SERPINI1: variants seen among roughly 807,000 people sequenced by gnomAD.
SERPINI1 encodes serpin family I member 1.
SERPINI1 carries 19 observed loss-of-function variants against 41.1 expected under a neutral mutation model. That is an observed-to-expected ratio of 0.46 (90% confidence interval 0.32 to 0.68). SERPINI1 has a LOEUF of 0.68. Among genes scored for constraint, SERPINI1 ranks in the 30% least tolerant of loss-of-function variants. SERPINI1 has a pLI of 0.03. For missense variants in SERPINI1, 460 were observed against 479.2 expected (o/e 0.96, Z 0.37); for synonymous variants, 138 against 156.6 (o/e 0.88, Z 0.89).
At chr3:167,815,910 C>T (rs1247755201) in intron 6 of SERPINI1, among the ~76,000 whole-genome samples, 2 of 152,102 alleles carry the variant, frequency 1.3e-5, no homozygotes, top group Admixed American at 1.3e-4. Context: ...TACTCTTTTA[C>T]TCAATCAGAT....
intron 1 of SERPINI1, among the ~76,000 whole-genome samples, chr3:167,741,921 T>TA (rs11363496): frequency 6.6e-6 from 1 of 152,048 alleles, no homozygotes; most frequent in Non-Finnish European, 1.5e-5. Flanking sequence ...ACGAAACTTT[T>TA]AAAAAAATTA....
At chr3:167,794,486 G>T (rs1210884355) in intron 4 of SERPINI1, 134 bp from the exon 5 acceptor site, 8 of 621,910 alleles carry the variant, frequency 1.3e-5, no homozygotes, top group Non-Finnish European at 2.2e-5. Context: ...CTTCTTTAGT[G>T]GTGATTTGTG....
chr3:167,758,991 T>TA (rs1439080643), intron 1 of SERPINI1, among the ~76,000 whole-genome samples: 1 of 152,162 alleles, frequency 6.6e-6, no homozygotes, highest in Non-Finnish European at 1.5e-5. Flanking sequence ...GCTTAAGAGA[T>TA]ACAGATGTTT....
chr3:167,798,156 A>G (rs1727775261), intron 5 of SERPINI1, among the ~76,000 whole-genome samples: 1 of 152,174 alleles, frequency 6.6e-6, no homozygotes, highest in South Asian at 2.1e-4. Context: ...TGTGGCCTCT[A>G]GGTCCTGTCC....
chr3:167,802,916 GCA>G (rs1468688260), intron 5 of SERPINI1, among the ~76,000 whole-genome samples: 9 of 150,078 alleles, frequency 6.0e-5, no homozygotes, highest in Non-Finnish European at 1.0e-4. Flanking sequence ...CGAAAATGTG[GCA>G]CATATACACC....
chr3:167,736,792 T>G (rs1321330038), intron 1 of SERPINI1, among the ~76,000 whole-genome samples: 2 of 152,234 alleles, frequency 1.3e-5, no homozygotes, highest in Non-Finnish European at 2.9e-5. Context: ...TGGGTAAAGA[T>G]GAAAGTCTCA....
intron 5 of SERPINI1, among the ~76,000 whole-genome samples, chr3:167,804,938 C>A (rs1326223755): frequency 1.3e-5 from 2 of 152,042 alleles, no homozygotes; most frequent in Non-Finnish European, 2.9e-5. Context: ...GGGGAAGAGT[C>A]CATATTAAGA....
intron 1 of SERPINI1, among the ~76,000 whole-genome samples, chr3:167,770,314 T>C (rs1726707309): frequency 6.6e-6 from 1 of 152,034 alleles, no homozygotes. Flanking sequence ...AAGTACAAAG[T>C]AATCTTCTTT....
intron 6 of SERPINI1, among the ~76,000 whole-genome samples, chr3:167,809,277 A>T (rs1003493756): frequency 1.3e-5 from 2 of 152,200 alleles, no homozygotes; most frequent in African/African-American, 2.4e-5. Context: ...AATTGAGAGA[A>T]ATCTGTCTTA....
intron 1 of SERPINI1, among the ~76,000 whole-genome samples, chr3:167,740,418 G>C (rs986081463): frequency 6.6e-5 from 10 of 152,144 alleles, no homozygotes; most frequent in African/African-American, 2.4e-4. Flanking sequence ...AGTATCTTTA[G>C]AGCTAACTCT....
chr3:167,788,999 T>C, intron 1 of SERPINI1, 112 bp from the exon 2 acceptor site: 2 of 993,334 alleles, frequency 2.0e-6, no homozygotes, highest in Non-Finnish European at 3.0e-6. Context: ...GTGTTATTTG[T>C]TCATTTAACT....
chr3:167,791,131 G>A (rs943647327), intron 3 of SERPINI1, among the ~76,000 whole-genome samples: 4 of 152,022 alleles, frequency 2.6e-5, no homozygotes, highest in East Asian at 1.9e-4. Context: ...GCATTCATTC[G>A]AAATTTTATT....
At chr3:167,768,962 CT>C (rs1726652811) in intron 1 of SERPINI1, among the ~76,000 whole-genome samples, 1 of 151,192 alleles carries the variant, frequency 6.6e-6, no homozygotes, top group African/African-American at 2.4e-5. Context: ...CCAGGAGCCC[CT>C]CCCTCTAATT....
At chr3:167,797,737 A>G (rs1053951562) in intron 5 of SERPINI1, among the ~76,000 whole-genome samples, 1 of 76,738 alleles carries the variant, frequency 1.3e-5, no homozygotes, top group Non-Finnish European at 2.7e-5. Flanking sequence ...ATACCTACCA[A>G]GCGTTTTTTT....
intron 5 of SERPINI1, among the ~76,000 whole-genome samples, chr3:167,804,881 G>A (rs576876455): frequency 1.3e-5 from 2 of 152,144 alleles, no homozygotes; most frequent in African/African-American, 4.8e-5. Context: ...AGGCATGCTT[G>A]GTCCATGTCT....
chr3:167,740,716 TTGTGTGCGTGTG>T (rs1725652371), intron 1 of SERPINI1, among the ~76,000 whole-genome samples: 1 of 152,174 alleles, frequency 6.6e-6, no homozygotes, highest in African/African-American at 2.4e-5. Context: ...GCGCGCGCGC[TTGTGTGCGTGTG>T]TGTGTGCGTG....
At chr3:167,738,816 C>T (rs1317004362) in intron 1 of SERPINI1, among the ~76,000 whole-genome samples, 4 of 150,366 alleles carry the variant, frequency 2.7e-5, no homozygotes, top group Non-Finnish European at 5.9e-5. Flanking sequence ...CAGTCAATTG[C>T]CATTTTAACT....
At chr3:167,801,171 A>G (rs1477747030) in intron 5 of SERPINI1, among the ~76,000 whole-genome samples, 1 of 152,176 alleles carries the variant, frequency 6.6e-6, no homozygotes, top group Non-Finnish European at 1.5e-5. Flanking sequence ...TACAAAGGGT[A>G]TGATTGGGTT....
chr3:167,778,502 C>T (rs1239903024), intron 1 of SERPINI1, among the ~76,000 whole-genome samples: 1 of 152,108 alleles, frequency 6.6e-6, no homozygotes, highest in African/African-American at 2.4e-5. Context: ...GAGTCAGTGT[C>T]TGTGTGGGGA....
Sources: allele counts gnomAD v4.1 joint callset (sites outside exome capture counted in the v4.1 genomes callset), GRCh38; gene constraint gnomAD v4.1.1; transcripts MANE v1.5; gene names NCBI Gene and HGNC (gene_info 2026-07-23, HGNC 2026-07-21).